Variants in PTPN14 observed in about 807,000 individuals in gnomAD.
PTPN14 encodes the protein tyrosine-protein phosphatase non-receptor type 14.
In PTPN14, 53 loss-of-function variants were observed where a neutral mutation model predicts 126.8. The observed-to-expected ratio is 0.42, with a 90% CI of 0.34 to 0.53. The LOEUF (loss-of-function observed/expected upper bound fraction) is 0.53. Among genes scored for constraint, PTPN14 ranks in the 20% least tolerant of loss-of-function variants. PTPN14 has a pLI of 0.08. For synonymous variants in PTPN14, 630 were observed against 599.3 expected (o/e 1.05, Z -0.75); for missense variants, 1,257 against 1,552.9 (o/e 0.81, Z 3.20).
At chr1:214,514,779 G>GA (rs1655060214) in intron 1 of PTPN14, among the ~76,000 whole-genome samples, 1 of 152,174 alleles carries the variant, frequency 6.6e-6, no homozygotes, top group Admixed American at 6.5e-5. Flanking sequence ...GGCTGCAAAA[G>GA]AGACTTGCAG....
intron 1 of PTPN14, among the ~76,000 whole-genome samples, chr1:214,475,700 A>G (rs150153620): frequency 0.019 from 2,969 of 152,332 alleles, 49 homozygotes; most frequent in Non-Finnish European, 0.026. Flanking sequence ...TGAAGCAGAC[A>G]CATTGATGGG....
intron 1 of PTPN14, among the ~76,000 whole-genome samples, chr1:214,481,787 C>T (rs1275982516): frequency 6.6e-6 from 1 of 151,874 alleles, no homozygotes; most frequent in African/African-American, 2.4e-5. Context: ...AGATCAAGAT[C>T]ATCCTGGCTA....
chr1:214,532,551 A>G, intron 1 of PTPN14: 5 of 1,069,356 alleles, frequency 4.7e-6, no homozygotes, highest in Non-Finnish European at 7.3e-6. Context: ...ACCCCAGGTC[A>G]GAGACTGGGG....
At chr1:214,419,181 G>A (rs1010006931) in intron 3 of PTPN14, among the ~76,000 whole-genome samples, 3 of 152,154 alleles carry the variant, frequency 2.0e-5, no homozygotes, top group African/African-American at 7.2e-5. Context: ...TCTCAAGGAG[G>A]TCTGAGTAAG....
intron 1 of PTPN14, among the ~76,000 whole-genome samples, chr1:214,534,552 A>C (rs1655650560): frequency 6.6e-6 from 1 of 151,862 alleles, no homozygotes; most frequent in African/African-American, 2.4e-5. Flanking sequence ...TCTCTACTAA[A>C]AATACAAAAA....
At chr1:214,523,051 T>C (rs574568365) in intron 1 of PTPN14, among the ~76,000 whole-genome samples, 15 of 152,296 alleles carry the variant, frequency 9.8e-5, no homozygotes, top group African/African-American at 3.6e-4. Context: ...GACTTAATCA[T>C]ACTTAGTGAG....
chr1:214,359,464 C>T (rs985079263), intron 18 of PTPN14, among the ~76,000 whole-genome samples: 15 of 151,202 alleles, frequency 9.9e-5, no homozygotes, highest in African/African-American at 3.2e-4. Flanking sequence ...CCTCGTGATC[C>T]GCCTGCCTCG....
chr1:214,545,758 T>C (rs1655953925), intron 1 of PTPN14, among the ~76,000 whole-genome samples: 1 of 152,150 alleles, frequency 6.6e-6, no homozygotes, highest in Admixed American at 6.6e-5. Context: ...GCTAACTCAA[T>C]AGATAGCAAT....
chr1:214,478,844 AC>A (rs1225570976), intron 1 of PTPN14, among the ~76,000 whole-genome samples: 1 of 152,188 alleles, frequency 6.6e-6, no homozygotes, highest in African/African-American at 2.4e-5. Flanking sequence ...TCAATCTTTC[AC>A]CATTAGGTTA....
At chr1:214,436,650 GGT>G (rs1659923211) in intron 3 of PTPN14, among the ~76,000 whole-genome samples, 1 of 151,978 alleles carries the variant, frequency 6.6e-6, no homozygotes, top group Admixed American at 6.6e-5. Context: ...AGCTGGGCAT[GGT>G]GGTGGGCGCC....
intron 18 of PTPN14, among the ~76,000 whole-genome samples, chr1:214,360,358 G>A (rs1657927314): frequency 6.6e-6 from 1 of 152,058 alleles, no homozygotes; most frequent in African/African-American, 2.4e-5. Flanking sequence ...GTGGTGCAAA[G>A]GGACAAAGTC....
intron 1 of PTPN14, among the ~76,000 whole-genome samples, chr1:214,471,641 G>A (rs1263998906): frequency 1.3e-5 from 2 of 152,174 alleles, no homozygotes; most frequent in Admixed American, 6.5e-5. Flanking sequence ...GGTGGGGGGT[G>A]AGGTGGCAAA....
At chr1:214,395,825 G>C (rs555103403) in intron 8 of PTPN14, among the ~76,000 whole-genome samples, 2 of 152,126 alleles carry the variant, frequency 1.3e-5, no homozygotes, top group African/African-American at 2.4e-5. Context: ...TGATGCGTCT[G>C]CTCATTAATA....
Position 214,355,989 on chromosome 1 carries a change from C to T in PTPN14, c.*1933G>A, listed in dbSNP as rs1403721786. Reference sequence around the variant, plus strand: ...TTTTTTTTTTTTTTGGAGGCAGGGTCTCTCCGTAGCCCAGCCTGGACTACA... The same window carrying T: ...TTTTTTTTTTTTTTGGAGGCAGGGTTTCTCCGTAGCCCAGCCTGGACTACA... On this transcript the variant is annotated 3_prime_UTR_variant, in exon 19 of 19. Transcript: ENST00000366956. The T allele has an allele frequency of 7.9e-6, 1 of 126,930 alleles. No homozygotes were observed. The highest frequency in any genetic ancestry group is 3.1e-5 in the African/African-American group (1 of 31,906). 7.9% of individuals were successfully genotyped at this position (126,930 alleles called of 1,614,324 possible).
At position 214,532,957 on chromosome 1, in the gene PTPN14, C is replaced by A. The variant is rs570456308; in HGVS notation, c.-155+18226G>T. The A allele has an allele frequency of 1.4e-3, 1,066 of 784,072 alleles. 1 individual carries two copies. The highest frequency in any genetic ancestry group is 2.1e-3 in the Non-Finnish European group (906 of 438,840). The allele number at this position is 784,072 out of a possible 1,614,324, so 48.6% of individuals were successfully genotyped here. A position where few individuals can be genotyped will look rare whatever the true frequency, so the allele number is the denominator to read the frequency against. ...CTGGGCCCAATATGACAAGCTGGCT[C>A]GGAAGAACCGAGAGGAGCTGGACAA... On this transcript the variant is annotated intron_variant, in intron 1 of 18. Transcript: ENST00000366956.
chr1:214,381,141 A>G (rs1314265508), intron 13 of PTPN14, among the ~76,000 whole-genome samples: 1 of 152,236 alleles, frequency 6.6e-6, no homozygotes, highest in African/African-American at 2.4e-5. Flanking sequence ...TAATGCAAGG[A>G]GCTCTAAGGA....
chr1:214,498,830 A>AT (rs1297569863), intron 1 of PTPN14, among the ~76,000 whole-genome samples: 1 of 152,124 alleles, frequency 6.6e-6, no homozygotes, highest in Non-Finnish European at 1.5e-5. Context: ...GATTTAAGAG[A>AT]TAGGGTCTCA....
chr1:214,461,967 G>C lies in PTPN14; in HGVS notation c.174+2663C>G, dbSNP rs577230889. The stretch of plus-strand genomic sequence containing the variant: ...CTCCTCTTACTTCTGCTTTTGGATA[G>C]AGGATGCATTCTTCTTTAAGGTGTG... On this transcript the variant is annotated intron_variant, in intron 2 of 18. Coordinates refer to ENST00000366956, the MANE Select transcript of PTPN14 (RefSeq NM_005401.5). Among the ~76,000 whole-genome samples, 33 of 152,310 alleles carry C rather than the reference G, an allele frequency of 2.2e-4. No individual in the cohort carries two copies. The South Asian group carries it at 3.9e-3, about 18-fold the overall frequency.
chr1:214,486,261 C>T (rs1661110572), intron 1 of PTPN14, among the ~76,000 whole-genome samples: 1 of 152,200 alleles, frequency 6.6e-6, no homozygotes, highest in Non-Finnish European at 1.5e-5. Context: ...ATACTCATGT[C>T]ATCAACTCTG....
Sources: allele counts gnomAD v4.1 joint callset (sites outside exome capture counted in the v4.1 genomes callset), GRCh38; gene constraint gnomAD v4.1.1; transcripts MANE v1.5; gene names NCBI Gene and HGNC (gene_info 2026-07-23, HGNC 2026-07-21).